MAD1L1: variants seen among roughly 807,000 people sequenced by gnomAD.
MAD1L1 encodes the protein mitotic spindle assembly checkpoint protein MAD1.
A neutral mutation model predicts 96.9 loss-of-function variants in MAD1L1; 95 were observed. That is an observed-to-expected ratio of 0.98 (90% confidence interval 0.83 to 1.16). The LOEUF (loss-of-function observed/expected upper bound fraction) is 1.16. Among genes scored for constraint, MAD1L1 ranks in the 50% most tolerant of loss-of-function variants. The pLI is 0.00. For missense variants in MAD1L1, 1,007 were observed against 954.4 expected (o/e 1.06, Z -0.73); for synonymous variants, 473 against 396.6 (o/e 1.19, Z -2.29).
chr7:2,156,833 A>AG (rs886144827), intron 10 of MAD1L1, among the ~76,000 whole-genome samples: 13 of 151,884 alleles, frequency 8.6e-5, no homozygotes, highest in African/African-American at 1.5e-4. Context: ...AAAAAAAAAA[A>AG]AAAGAAAGAA....
intron 17 of MAD1L1, among the ~76,000 whole-genome samples, chr7:1,929,030 C>T (rs1186076387): frequency 6.6e-6 from 1 of 152,208 alleles, no homozygotes. Context: ...AGTCACTGCT[C>T]CCGTCCTCAG....
chr7:1,854,479 G>A (rs1212369317), intron 18 of MAD1L1: 4 of 421,040 alleles, frequency 9.5e-6, no homozygotes, highest in Admixed American at 8.5e-5. Flanking sequence ...GGCAGACTTG[G>A]TGTTTGGTGA....
At chr7:2,192,564 G>A (rs1046339583) in intron 10 of MAD1L1, among the ~76,000 whole-genome samples, 18 of 152,170 alleles carry the variant, frequency 1.2e-4, no homozygotes, top group South Asian at 4.1e-4. Context: ...CACCTAAGCC[G>A]GTAAAGCAGC....
chr7:2,050,783 G>T (rs1340222155), intron 12 of MAD1L1, among the ~76,000 whole-genome samples: 1 of 152,146 alleles, frequency 6.6e-6, no homozygotes. Flanking sequence ...TGCCTCACAG[G>T]CCAGGAGCAA....
At chr7:1,893,842 A>C (rs6971380) in intron 18 of MAD1L1, among the ~76,000 whole-genome samples, 1,528 of 152,294 alleles carry the variant, frequency 0.01, 24 homozygotes, top group African/African-American at 0.034. Flanking sequence ...AGTGTCTCTT[A>C]TCTCTCCTCT....
Position 1,974,887 on chromosome 7 carries a change from G to A in MAD1L1, c.1505+5566C>T, listed in dbSNP as rs552374922. On this transcript the variant is annotated intron_variant, in intron 15 of 18. Transcript: ENST00000265854. ...GACCAGGGGAGGTGGGCAGGCTTTC[G>A]GAGAGAAAGAAGCAGGTCCGGGGTA... Among the ~76,000 whole-genome samples, 7 of 152,364 alleles carry A rather than the reference G, an allele frequency of 4.6e-5. 1 individual carries two copies. In the South Asian group the frequency reaches 1.0e-3, roughly 23 times the overall value.
At position 2,069,461 on chromosome 7, in the gene MAD1L1, CT is replaced by C. The variant is rs2128529417; in HGVS notation, c.1074-124del. ...AAAATAGAGCTGCACGTGCAACCCC[CT>C]CACTGCCATTTCCGCACTGCTGAAT... On this transcript the variant is annotated intron_variant, in intron 11 of 18. Transcript: ENST00000265854. The C allele has an allele frequency of 6.5e-6, 6 of 926,032 alleles. No individual in the cohort carries two copies. In the South Asian group the frequency reaches 9.8e-5, roughly 15 times the overall value. 57.4% of individuals were successfully genotyped at this position (926,032 alleles called of 1,614,324 possible).
intron 11 of MAD1L1, among the ~76,000 whole-genome samples, chr7:2,109,010 C>G (rs1056082276): frequency 6.6e-6 from 1 of 152,256 alleles, no homozygotes; most frequent in East Asian, 1.9e-4. Flanking sequence ...CCCCACCCGG[C>G]CATTCCAGAC....
chr7:1,994,903 C>T, intron 14 of MAD1L1, among the ~76,000 whole-genome samples: 1 of 152,232 alleles, frequency 6.6e-6, no homozygotes. Context: ...CAGTCTCGAA[C>T]TCCTGGGCTC....
At chr7:2,065,338 A>T (rs1784834764) in intron 12 of MAD1L1, among the ~76,000 whole-genome samples, 1 of 152,220 alleles carries the variant, frequency 6.6e-6, no homozygotes, top group East Asian at 1.9e-4. Flanking sequence ...AGCCGTGTCC[A>T]GGGTCCCAGC....
chr7:2,230,038 ATCCAG>A lies in MAD1L1; in HGVS notation c.91_95del (p.Leu31TyrfsTer67). 1 of 1,613,778 alleles carries A rather than the reference ATCCAG, an allele frequency of 6.2e-7. No individual in the cohort carries two copies. Among genetic ancestry groups the A allele is most frequent in the Non-Finnish European group, 8.5e-7 (1 of 1,179,968 alleles). ...GAGAACCTGGGGCCGAGGTAGAAAT[ATCCAG>A]TCCAGAGCCTCCCTCCACACGCTGA... On this transcript the variant is annotated frameshift_variant, in exon 3 of 19. Coordinates refer to ENST00000265854, the MANE Select transcript of MAD1L1 (RefSeq NM_001013836.2). LOFTEE classifies it high-confidence loss of function.
chr7:1,958,238 C>T (rs149014347), intron 15 of MAD1L1, among the ~76,000 whole-genome samples: 54 of 152,288 alleles, frequency 3.5e-4, no homozygotes, highest in African/African-American at 1.1e-3. Flanking sequence ...CGCTTCCAGG[C>T]GACCCATGGT....
chr7:1,887,034 T>C (rs964464464), intron 18 of MAD1L1, among the ~76,000 whole-genome samples: 3 of 152,248 alleles, frequency 2.0e-5, no homozygotes, highest in African/African-American at 7.2e-5. Flanking sequence ...CCACATCTCT[T>C]TTTCTAACAT....
intron 1 of MAD1L1, among the ~76,000 whole-genome samples, chr7:2,231,087 T>A (rs531929284): frequency 6.6e-6 from 1 of 152,154 alleles, no homozygotes; most frequent in African/African-American, 2.4e-5. Context: ...CGGAGGCAGG[T>A]CCGGAGTTCA....
intron 12 of MAD1L1, among the ~76,000 whole-genome samples, chr7:2,051,858 T>C (rs1213610996): frequency 6.8e-6 from 1 of 146,598 alleles, no homozygotes; most frequent in Non-Finnish European, 1.5e-5. Flanking sequence ...CTCAGAGCCA[T>C]GGACAAGCTG....
chr7:2,134,278 T>C (rs1788651284), intron 11 of MAD1L1, among the ~76,000 whole-genome samples: 5 of 152,228 alleles, frequency 3.3e-5, no homozygotes. Flanking sequence ...TGGGTGTTGA[T>C]TTCAAATTCC....
Position 1,898,260 on chromosome 7 carries a change from C to G in MAD1L1, c.1938G>C (p.Glu646Asp). 6.2e-7 allele frequency: 1 copy of G among 1,614,174 alleles called. No homozygotes were observed. Residue 646 changes from glutamate (E) to aspartate (D), a missense_variant, in exon 18 of 19, where the codon GAG becomes GAC. Physicochemically the swap from Glu to Asp is conservative, Grantham distance 45. Transcript: ENST00000265854. ...ACAGCGAGGTCAGCCGGTACTGGTTCTCCGTGGTGATGTCGATCTGGTAGC... is the reference window on the plus strand; with the variant it reads ...ACAGCGAGGTCAGCCGGTACTGGTTGTCCGTGGTGATGTCGATCTGGTAGC... ...LTGYQIDITT[E>D]NQYRLTSLYA...
intron 15 of MAD1L1, among the ~76,000 whole-genome samples, chr7:1,958,408 TA>T (rs780901735): frequency 1.3e-5 from 2 of 152,064 alleles, no homozygotes; most frequent in African/African-American, 4.8e-5. Context: ...GGTTTAAAAA[TA>T]AAAAAAGTCT....
chr7:1,959,199 C>T (rs2128474623), intron 15 of MAD1L1, among the ~76,000 whole-genome samples: 1 of 152,242 alleles, frequency 6.6e-6, no homozygotes, highest in African/African-American at 2.4e-5. Flanking sequence ...CTGCAGTGAG[C>T]CAAGATCACC....
Sources: allele counts gnomAD v4.1 joint callset (sites outside exome capture counted in the v4.1 genomes callset), GRCh38; gene constraint gnomAD v4.1.1; transcripts MANE v1.5; gene names NCBI Gene and HGNC (gene_info 2026-07-23, HGNC 2026-07-21).